Variants in KLHL2 observed in about 807,000 individuals in gnomAD.
The protein encoded by KLHL2 is kelch like family member 2.
In KLHL2, 15 loss-of-function variants were observed where a neutral mutation model predicts 75.8. The observed-to-expected ratio is 0.20, with a 90% CI of 0.13 to 0.30. The LOEUF (loss-of-function observed/expected upper bound fraction) is 0.30, where lower values mean the gene tolerates loss of function less well. Ranked by LOEUF, KLHL2 falls within the 10% of genes least tolerant of loss-of-function variation. The pLI, the probability that KLHL2 is intolerant of heterozygous loss-of-function variation, is 1.00. For missense variants in KLHL2, 381 were observed against 741.0 expected (o/e 0.51, Z 5.64); for synonymous variants, 214 against 251.9 (o/e 0.85, Z 1.42).
chr4:165,318,121 A>G (rs1252580113), intron 14 of KLHL2, 152 bp downstream of exon 14: 4 of 691,160 alleles, frequency 5.8e-6, no homozygotes, highest in South Asian at 2.1e-5. Context: ...GGCTGTGTAT[A>G]TTCTGAAATA....
In KLHL2 at chr4:165,312,096, T is replaced by C. The variant is rs191200012; in HGVS notation, c.1339+531T>C. On this transcript the variant is annotated intron_variant, in intron 11 of 14. Coordinates refer to ENST00000226725, the MANE Select transcript of KLHL2 (RefSeq NM_007246.4). ...GTGCATTTCAAGATAGGGTTCACACTTCTGTGAGAATCTAATGCCGCTGCT... is the reference window on the plus strand; with the variant it reads ...GTGCATTTCAAGATAGGGTTCACACCTCTGTGAGAATCTAATGCCGCTGCT... Among the ~76,000 whole-genome samples, 126 of 152,266 alleles carry C rather than the reference T, an allele frequency of 8.3e-4. 3 individuals carry two copies. In the East Asian group the frequency reaches 0.021, roughly 25 times the overall value.
At chr4:165,300,770 C>T (rs975184935) in intron 8 of KLHL2, among the ~76,000 whole-genome samples, 1 of 152,144 alleles carries the variant, frequency 6.6e-6, no homozygotes, top group African/African-American at 2.4e-5. Context: ...GTATATGTTT[C>T]GGGCAATGCT....
At chr4:165,300,299 GAAAA>G (rs557406496) in intron 8 of KLHL2, among the ~76,000 whole-genome samples, 1 of 86,862 alleles carries the variant, frequency 1.2e-5, no homozygotes, top group African/African-American at 4.3e-5. Flanking sequence ...CTCAAAAAAA[GAAAA>G]AAAAAAAAAA....
intron 9 of KLHL2, among the ~76,000 whole-genome samples, chr4:165,306,472 T>C (rs1039708276): frequency 2.0e-5 from 3 of 152,230 alleles, no homozygotes; most frequent in Non-Finnish European, 4.4e-5. Flanking sequence ...ACATACATCA[T>C]TGTGTACATA....
intron 4 of KLHL2, among the ~76,000 whole-genome samples, chr4:165,247,069 G>C (rs1398756253): frequency 6.6e-6 from 1 of 152,338 alleles, no homozygotes; most frequent in African/African-American, 2.4e-5. Context: ...GGCTGTGTCA[G>C]ATGTTCTTGA....
At chr4:165,263,681 G>A (rs1741893413) in intron 5 of KLHL2, among the ~76,000 whole-genome samples, 1 of 149,510 alleles carries the variant, frequency 6.7e-6, no homozygotes, top group African/African-American at 2.5e-5. Context: ...TTGGCTCATT[G>A]CAACCTCCGC....
chr4:165,300,286 T>A (rs546772049), intron 8 of KLHL2, among the ~76,000 whole-genome samples: 87 of 150,214 alleles, frequency 5.8e-4, no homozygotes, highest in African/African-American at 2.0e-3. Flanking sequence ...TGACAGGCTC[T>A]GTCTCAAAAA....
intron 4 of KLHL2, among the ~76,000 whole-genome samples, chr4:165,256,327 T>C (rs964918271): frequency 4.6e-5 from 7 of 152,328 alleles, no homozygotes; most frequent in Admixed American, 6.5e-5. Flanking sequence ...AGCTTTTTTT[T>C]CCCCGTTTTT....
intron 2 of KLHL2, among the ~76,000 whole-genome samples, chr4:165,227,176 C>T (rs1229300900): frequency 1.3e-5 from 2 of 151,964 alleles, no homozygotes; most frequent in African/African-American, 4.8e-5. Flanking sequence ...TTTATGACTC[C>T]AATACGGGAC....
intron 5 of KLHL2, among the ~76,000 whole-genome samples, chr4:165,284,241 A>G (rs377338328): frequency 2.6e-5 from 4 of 152,128 alleles, no homozygotes; most frequent in Admixed American, 6.5e-5. Context: ...AGAAAATGGG[A>G]TTTTCTTTTC....
chr4:165,266,312 C>G (rs1742237752), intron 5 of KLHL2, among the ~76,000 whole-genome samples: 1 of 152,276 alleles, frequency 6.6e-6, no homozygotes, highest in South Asian at 2.1e-4. Flanking sequence ...TGTGCAGAAG[C>G]TCTTTAGTTT....
In KLHL2 at chr4:165,317,943, G is replaced by A; in HGVS notation, c.1727G>A (p.Cys576Tyr). The A allele has an allele frequency of 1.2e-6, 2 of 1,613,946 alleles. No individual in the cohort carries two copies. The highest frequency in any genetic ancestry group is 1.7e-6 in the Non-Finnish European group (2 of 1,179,918). Residue 576 changes from cysteine to tyrosine, a missense_variant, in exon 14 of 15, where the codon TGT (cysteine) becomes TAT (tyrosine). Cys to Tyr is a radical substitution (Grantham distance 194). This residue lies in a region of KLHL2 where 168 missense variants were observed against 370.4 expected (regional missense o/e 0.45). Coordinates refer to ENST00000226725, the MANE Select transcript of KLHL2 (RefSeq NM_007246.4). ...GATAAATGGACAGTTGTGTCATCGT[G>A]TATGAGCACAGGGAGAAGTTATGCA... ...TTDKWTVVSS[C>Y]MSTGRSYAGV...
intron 3 of KLHL2, among the ~76,000 whole-genome samples, 195 bp from the exon 4 acceptor site, chr4:165,238,583 A>G (rs552257006): frequency 6.6e-6 from 1 of 152,350 alleles, no homozygotes; most frequent in East Asian, 1.9e-4. Context: ...GTGGGTAACA[A>G]AAGTACATTT....
chr4:165,298,505 GA>G (rs1745090911), intron 7 of KLHL2, among the ~76,000 whole-genome samples: 2 of 151,926 alleles, frequency 1.3e-5, no homozygotes, highest in African/African-American at 4.8e-5. Context: ...ATCCCGCTAG[GA>G]ACATTTCAGC....
intron 5 of KLHL2, among the ~76,000 whole-genome samples, chr4:165,267,522 G>A (rs1483567905): frequency 6.6e-6 from 1 of 152,250 alleles, no homozygotes; most frequent in South Asian, 2.1e-4. Flanking sequence ...TTAGCATGAA[G>A]GGCTGTTGAA....
chr4:165,243,377 T>C (rs1417007420), intron 4 of KLHL2, among the ~76,000 whole-genome samples: 2 of 152,200 alleles, frequency 1.3e-5, no homozygotes, highest in Non-Finnish European at 1.5e-5. Context: ...AGTAAATGCT[T>C]TCTATTCCTA....
At chr4:165,260,574 GT>G (rs1032572502) in intron 4 of KLHL2, among the ~76,000 whole-genome samples, 7 of 150,252 alleles carry the variant, frequency 4.7e-5, no homozygotes, top group African/African-American at 1.7e-4. Flanking sequence ...ATATGTGTGT[GT>G]GTGGGGGGGG....
At chr4:165,276,508 A>C (rs28633866) in intron 5 of KLHL2, among the ~76,000 whole-genome samples, 35,128 of 151,436 alleles carry the variant, frequency 0.23, 6,175 homozygotes, top group African/African-American at 0.5. Flanking sequence ...CCATCAGCCT[A>C]ACTTTTTTTT....
Position 165,311,640 on chromosome 4 carries a change from T to C in KLHL2, c.1339+75T>C, listed in dbSNP as rs542850832. 4.1e-4 allele frequency: 432 copies of C among 1,044,094 alleles called. 5 individuals carry two copies. The South Asian group carries it at 5.9e-3, about 14-fold the overall frequency. 64.7% of individuals were successfully genotyped at this position (1,044,094 alleles called of 1,614,324 possible). A position where few individuals can be genotyped will look rare whatever the true frequency, so the allele number is the denominator to read the frequency against. ...AGTGGTTCTTCCAGTAATCTCAACT[T>C]TAGTTTTCTGAATGGGCAAGCTAAT... On this transcript the variant is annotated intron_variant, in intron 11 of 14. Transcript: ENST00000226725.
Sources: allele counts gnomAD v4.1 joint callset (sites outside exome capture counted in the v4.1 genomes callset), GRCh38; gene constraint gnomAD v4.1.1; regional missense constraint gnomAD v4.1.1; transcripts MANE v1.5; gene names NCBI Gene and HGNC (gene_info 2026-07-23, HGNC 2026-07-21).